The following ATXN7L1 variants were observed in gnomAD, a reference collection of about 807,000 sequenced individuals.
ATXN7L1 encodes the protein ataxin-7-like protein 1.
Under a neutral mutation model 70.8 loss-of-function variants are expected in ATXN7L1, and 15 were observed. The ratio of observed to expected loss-of-function variants is 0.21; its 90% CI spans 0.14 to 0.33. The LOEUF (loss-of-function observed/expected upper bound fraction) is 0.33. ATXN7L1 is among the 10% of genes least tolerant of loss of function. The pLI, the probability that ATXN7L1 is intolerant of heterozygous loss-of-function variation, is 1.00. For missense variants in ATXN7L1, 975 were observed against 1,097.1 expected (o/e 0.89, Z 1.57); for synonymous variants, 440 against 445.1 (o/e 0.99, Z 0.14).
At chr7:105,692,419 T>TTCCCTCCCTCCCTCCC (rs1413712743) in intron 3 of ATXN7L1, among the ~76,000 whole-genome samples, 42 of 122,792 alleles carry the variant, frequency 3.4e-4, no homozygotes, top group East Asian at 1.3e-3. Context: ...CCTTCCTTCC[T>TTCCCTCCCTCCCTCCC]TCCTTCCTCC....
At chr7:105,860,322 T>C (rs1344289714) in intron 2 of ATXN7L1, among the ~76,000 whole-genome samples, 8 of 152,010 alleles carry the variant, frequency 5.3e-5, no homozygotes, top group African/African-American at 1.9e-4. Flanking sequence ...GAATATTAAA[T>C]GAAAAACTTT....
chr7:105,823,295 A>C (rs1166471857), intron 2 of ATXN7L1, among the ~76,000 whole-genome samples: 1 of 152,198 alleles, frequency 6.6e-6, no homozygotes, highest in Non-Finnish European at 1.5e-5. Flanking sequence ...TGCAAACTTG[A>C]TGGCTCCCAG....
chr7:105,691,422 A>G (rs1327339123), intron 3 of ATXN7L1: 1 of 152,200 alleles, frequency 6.6e-6, no homozygotes, highest in African/African-American at 2.4e-5. Flanking sequence ...TGGAGAAACA[A>G]ATTTCACTTT....
intron 2 of ATXN7L1, among the ~76,000 whole-genome samples, chr7:105,795,871 G>A (rs1805916086): frequency 6.6e-6 from 1 of 152,136 alleles, no homozygotes; most frequent in African/African-American, 2.4e-5. Flanking sequence ...TACCTCAGTC[G>A]CTATAGGAAT....
In ATXN7L1 at chr7:105,607,828, T is replaced by C; in HGVS notation, c.*24A>G. ...ATGGGATTAGGTGGCCTGGAATTGATGTGGAAGTGGCTTCATAGTCTTGTT... is the reference window on the plus strand; with the variant it reads ...ATGGGATTAGGTGGCCTGGAATTGACGTGGAAGTGGCTTCATAGTCTTGTT... On this transcript the variant is annotated 3_prime_UTR_variant, in exon 12 of 12. Coordinates refer to ENST00000419735, the MANE Select transcript of ATXN7L1 (RefSeq NM_020725.2). 4 of 1,549,542 alleles carry C rather than the reference T, an allele frequency of 2.6e-6. No individual in the cohort carries two copies. Among genetic ancestry groups the C allele is most frequent in the Non-Finnish European group, 3.5e-6 (4 of 1,144,692 alleles).
intron 3 of ATXN7L1, among the ~76,000 whole-genome samples, chr7:105,778,645 A>T (rs1341930713): frequency 3.3e-5 from 5 of 152,092 alleles, no homozygotes; most frequent in Non-Finnish European, 7.4e-5. Context: ...TACTCGATTC[A>T]CAGAAACATG....
chr7:105,638,809 TAAG>T (rs1397491606), intron 6 of ATXN7L1, among the ~76,000 whole-genome samples, 200 bp from the exon 7 acceptor site: 2 of 152,132 alleles, frequency 1.3e-5, no homozygotes, highest in Non-Finnish European at 2.9e-5. Flanking sequence ...CTCCTGGTGT[TAAG>T]AAGCCAAAGC....
At chr7:105,619,786 G>A (rs921145054) in intron 9 of ATXN7L1, among the ~76,000 whole-genome samples, 1 of 151,534 alleles carries the variant, frequency 6.6e-6, no homozygotes, top group African/African-American at 2.4e-5. Flanking sequence ...GCAAACTCCT[G>A]GCCTCAAGCA....
At chr7:105,702,977 G>A (rs1311531647) in intron 3 of ATXN7L1, among the ~76,000 whole-genome samples, 3 of 152,198 alleles carry the variant, frequency 2.0e-5, no homozygotes, top group Non-Finnish European at 2.9e-5. Context: ...TTAGCAAGGC[G>A]TGGCGGCGTG....
chr7:105,770,768 T>C (rs1801874972), intron 3 of ATXN7L1, among the ~76,000 whole-genome samples: 1 of 152,198 alleles, frequency 6.6e-6, no homozygotes, highest in African/African-American at 2.4e-5. Context: ...TTTCTTTATC[T>C]GTTATTCTGT....
At chr7:105,829,833 C>A (rs1286302904) in intron 2 of ATXN7L1, among the ~76,000 whole-genome samples, 1 of 152,186 alleles carries the variant, frequency 6.6e-6, no homozygotes, top group Non-Finnish European at 1.5e-5. Flanking sequence ...TTACTACGAC[C>A]TTACAGGGAC....
At chr7:105,704,403 T>G (rs1285885685) in intron 3 of ATXN7L1, among the ~76,000 whole-genome samples, 1 of 152,210 alleles carries the variant, frequency 6.6e-6, no homozygotes. Flanking sequence ...AGAACTGATC[T>G]GCACAGATCA....
At chr7:105,829,995 C>T (rs1442467039) in intron 2 of ATXN7L1, among the ~76,000 whole-genome samples, 1 of 152,160 alleles carries the variant, frequency 6.6e-6, no homozygotes, top group East Asian at 1.9e-4. Context: ...TAATAAGAAG[C>T]CTCCTTGTCA....
intron 2 of ATXN7L1, among the ~76,000 whole-genome samples, chr7:105,817,340 A>C (rs1183633394): frequency 6.6e-6 from 1 of 152,142 alleles, no homozygotes; most frequent in African/African-American, 2.4e-5. Context: ...AAAATAAACC[A>C]CTGTCTGTTG....
intron 3 of ATXN7L1, among the ~76,000 whole-genome samples, chr7:105,718,903 C>T (rs1237617508): frequency 6.6e-6 from 1 of 152,152 alleles, no homozygotes; most frequent in Non-Finnish European, 1.5e-5. Flanking sequence ...GTGGGGAGGA[C>T]CTCCCAGTTT....
intron 3 of ATXN7L1, among the ~76,000 whole-genome samples, chr7:105,730,495 G>A (rs576149711): frequency 3.8e-4 from 58 of 152,320 alleles, no homozygotes; most frequent in African/African-American, 1.4e-3. Context: ...CACTTTGGGA[G>A]GCCGAGGCAA....
intron 2 of ATXN7L1, among the ~76,000 whole-genome samples, chr7:105,850,714 T>C (rs1585149784): frequency 6.6e-6 from 1 of 152,198 alleles, no homozygotes; most frequent in Non-Finnish European, 1.5e-5. Context: ...CCATGCTCCA[T>C]ATGGCCTGCC....
chr7:105,845,128 C>T (rs1043320040), intron 2 of ATXN7L1, among the ~76,000 whole-genome samples: 14 of 133,256 alleles, frequency 1.1e-4, no homozygotes, highest in African/African-American at 4.0e-4. Flanking sequence ...TTGCTTGAAC[C>T]TGGGAGGCGG....
chr7:105,715,143 C>G (rs1263355163), intron 3 of ATXN7L1, among the ~76,000 whole-genome samples: 1 of 152,170 alleles, frequency 6.6e-6, no homozygotes, highest in Non-Finnish European at 1.5e-5. Flanking sequence ...ATAGACTTCA[C>G]TGCTTAGCAT....
Sources: allele counts gnomAD v4.1 joint callset (sites outside exome capture counted in the v4.1 genomes callset), GRCh38; gene constraint gnomAD v4.1.1; transcripts MANE v1.5; gene names NCBI Gene and HGNC (gene_info 2026-07-23, HGNC 2026-07-21).